The following INPP5D variants were observed in gnomAD, a reference collection of about 807,000 sequenced individuals.
INPP5D encodes the protein inositol polyphosphate-5-phosphatase D, also known as phosphatidylinositol 3,4,5-trisphosphate 5-phosphatase 1.
INPP5D carries 33 observed loss-of-function variants against 122.9 expected under a neutral mutation model. That is an observed-to-expected ratio of 0.27 (90% CI 0.20 to 0.36). INPP5D has a LOEUF of 0.36. INPP5D is among the 10% of genes least tolerant of loss of function. The probability of loss-of-function intolerance (pLI) is 1.00; values close to 1 mark genes in which losing one functional copy is unlikely to be tolerated. For missense variants in INPP5D, 1,053 were observed against 1,412.7 expected (o/e 0.75, Z 4.08); for synonymous variants, 584 against 576.2 (o/e 1.01, Z -0.19).
At chr2:233,095,325 A>T (rs993788013) in intron 2 of INPP5D, among the ~76,000 whole-genome samples, 5 of 152,218 alleles carry the variant, frequency 3.3e-5, no homozygotes, top group Admixed American at 2.6e-4. Context: ...GCTGTTCTTA[A>T]ACTTCTGGGC....
At chr2:233,061,894 A>G (rs1247534213) in intron 1 of INPP5D, among the ~76,000 whole-genome samples, 1 of 152,252 alleles carries the variant, frequency 6.6e-6, no homozygotes, top group African/African-American at 2.4e-5. Context: ...GGGGAGCCAC[A>G]GTGTTTACAG....
intron 2 of INPP5D, among the ~76,000 whole-genome samples, chr2:233,086,498 C>T (rs1691855027): frequency 1.3e-5 from 2 of 152,132 alleles, no homozygotes; most frequent in South Asian, 4.2e-4. Flanking sequence ...TCTTTCCTAC[C>T]TTTGGAAGCT....
Position 233,177,470 on chromosome 2 carries a change from A to T in INPP5D, c.2071+124A>T. 6.6e-7 allele frequency: 1 copy of T among 1,513,458 alleles called. No individual in the cohort carries two copies. Among genetic ancestry groups the T allele is most frequent in the African/African-American group, 1.4e-5 (1 of 72,756 alleles). The allele number at this position is 1,513,458 out of a possible 1,614,324, so 93.8% of individuals were successfully genotyped here. ...GTGTCAAAGGGAGGAATTCACTGTA[A>T]CCCTAATCAGGCGACCTGGAAATGT... On this transcript the variant is annotated intron_variant, in intron 18 of 26. Coordinates refer to ENST00000445964, the MANE Select transcript of INPP5D (RefSeq NM_001017915.3). The surrounding 1 kb of genome is among the most constrained non-coding windows in gnomAD (Gnocchi z 4.2).
At chr2:233,134,642 A>G (rs1693418299) in intron 5 of INPP5D, among the ~76,000 whole-genome samples, 1 of 152,196 alleles carries the variant, frequency 6.6e-6, no homozygotes, top group African/African-American at 2.4e-5. Flanking sequence ...CCAGACAGAA[A>G]CTTTTCCAGA....
chr2:233,125,181 A>C (rs546201493), intron 3 of INPP5D, among the ~76,000 whole-genome samples: 15 of 152,352 alleles, frequency 9.8e-5, no homozygotes, highest in African/African-American at 3.6e-4. Flanking sequence ...CTCTGAGTGA[A>C]GGGAACCCCC....
chr2:233,193,746 A>G (rs1045786138), intron 22 of INPP5D, 66 bp from the exon 23 acceptor site: 1 of 1,611,342 alleles, frequency 6.2e-7, no homozygotes, highest in Non-Finnish European at 8.5e-7. Flanking sequence ...TCTCCGGCCA[A>G]GAGTTTGGTG....
intron 2 of INPP5D, among the ~76,000 whole-genome samples, chr2:233,088,723 A>G (rs913712334): frequency 2.6e-5 from 4 of 152,318 alleles, no homozygotes; most frequent in South Asian, 2.1e-4. Context: ...TGACACCAAC[A>G]TGGGGTCACC....
Position 233,177,296 on chromosome 2 carries a change from G to A in INPP5D, c.2021G>A (p.Arg674Gln). 2 of 1,613,834 alleles carry A rather than the reference G, an allele frequency of 1.2e-6. No individual in the cohort carries two copies. The highest frequency in any genetic ancestry group is 1.7e-6 in the Non-Finnish European group (2 of 1,179,822). The change falls in exon 18 of 27, where the codon CGA (arginine) becomes CAA (glutamine). Residue 674 changes from arginine (R) to glutamine (Q), a missense_variant. Arg to Gln is a conservative substitution (Grantham distance 43). Coordinates refer to ENST00000445964, the MANE Select transcript of INPP5D (RefSeq NM_001017915.3). The surrounding 1 kb of genome is among the most constrained non-coding windows in gnomAD (Gnocchi z 4.2). Reference sequence around the variant, plus strand: ...TACAACTTGCCTTCCTGGTGTGACCGAGTCCTCTGGAAGTCTTATCCCCTG... The same window carrying A: ...TACAACTTGCCTTCCTGGTGTGACCAAGTCCTCTGGAAGTCTTATCCCCTG... ...MKYNLPSWCDRVLWKSYPLVH... is the reference protein window; with the variant it reads ...MKYNLPSWCDQVLWKSYPLVH...
intron 9 of INPP5D, 116 bp from the exon 10 acceptor site, chr2:233,158,197 C>T: frequency 1.7e-6 from 1 of 598,740 alleles, no homozygotes; most frequent in South Asian, 2.0e-5. Context: ...CAGACACAAA[C>T]TCGGGGCTCA....
Position 233,198,089 on chromosome 2 carries a change from C to T in INPP5D, c.2694-6C>T. ...CCTGAGATGTGACTCCATGTCCTCC[C>T]TGCAGGGCCCCTCCGTGCAGTGGCT... On this transcript the variant is annotated splice_polypyrimidine_tract_variant and splice_region_variant and intron_variant, in intron 24 of 26. Transcript: ENST00000445964. 6.3e-7 allele frequency: 1 copy of T among 1,585,122 alleles called. No homozygotes were observed. Among genetic ancestry groups the T allele is most frequent in the Non-Finnish European group, 8.6e-7 (1 of 1,164,082 alleles).
intron 25 of INPP5D, among the ~76,000 whole-genome samples, chr2:233,198,763 C>A (rs530076344): frequency 2.0e-5 from 3 of 151,054 alleles, no homozygotes; most frequent in Non-Finnish European, 4.4e-5. Context: ...CCAGCCTGAC[C>A]AACATGGAAA....
chr2:233,072,359 T>C (rs1236199337), intron 1 of INPP5D, among the ~76,000 whole-genome samples: 1 of 152,252 alleles, frequency 6.6e-6, no homozygotes, highest in African/African-American at 2.4e-5. Context: ...TGTGAAACCA[T>C]TTTGCATGAT....
chr2:233,082,046 T>C lies in INPP5D; in HGVS notation c.198+2648T>C, dbSNP rs1281636389. Among the ~76,000 whole-genome samples the C allele has an allele frequency of 3.3e-5, 5 of 152,176 alleles. No individual in the cohort carries two copies. The highest frequency in any genetic ancestry group is 1.2e-4 in the African/African-American group (5 of 41,442). Reference sequence around the variant, plus strand: ...TTAGCCAGGACAGTGGGCGGGCAGCTTTCAGAGAAGATGGGCGGCTCTGCT... The same window carrying C: ...TTAGCCAGGACAGTGGGCGGGCAGCCTTCAGAGAAGATGGGCGGCTCTGCT... On this transcript the variant is annotated intron_variant, in intron 2 of 26. Transcript: ENST00000445964. The surrounding 1 kb of genome is among the most constrained non-coding windows in gnomAD (Gnocchi z 4.7).
intron 22 of INPP5D, among the ~76,000 whole-genome samples, chr2:233,193,430 C>T (rs933706495): frequency 3.3e-5 from 5 of 152,148 alleles, no homozygotes; most frequent in Admixed American, 6.5e-5. Context: ...GTTCCCAATC[C>T]GTTTCCTTTT....
At chr2:233,077,763 G>T (rs1368741951) in intron 1 of INPP5D, among the ~76,000 whole-genome samples, 1 of 151,688 alleles carries the variant, frequency 6.6e-6, no homozygotes, top group Non-Finnish European at 1.5e-5. Flanking sequence ...GAGAGGCTGA[G>T]GCAGGAGAAT....
In INPP5D at chr2:233,154,638, G is replaced by C. The variant is rs575860397; in HGVS notation, c.1031-3675G>C. Among the ~76,000 whole-genome samples, 456 of 152,312 alleles carry C rather than the reference G, an allele frequency of 3.0e-3. 1 individual carries two copies. The highest frequency in any genetic ancestry group is 0.01 in the African/African-American group (436 of 41,568). ...TGTGTGTATTCATTGAAAGATATAA[G>C]TGATTAACTTCTTTTAATTTATAAC... On this transcript the variant is annotated intron_variant, in intron 9 of 26. Transcript: ENST00000445964.
chr2:233,148,478 C>A (rs1693831109), intron 9 of INPP5D, among the ~76,000 whole-genome samples: 1 of 152,196 alleles, frequency 6.6e-6, no homozygotes, highest in Non-Finnish European at 1.5e-5. Flanking sequence ...GAGGGAAGAG[C>A]ATCCCAGCTA....
Position 233,198,167 on chromosome 2 carries a change from G to A in INPP5D, c.2766G>A (p.Gly922=), listed in dbSNP as rs1285247798. ...ACTACATGGGAGTGGGGCCCTTTGG[G>A]CCACCAATGCCCCTGCACGTGAAGC... ...NPNYMGVGPF[G]PPMPLHVKQT... is the part of the protein sequence containing the mutation. Residue 922 remains glycine, a synonymous_variant, in exon 25 of 27, where the codon GGG becomes GGA. Coordinates refer to ENST00000445964, the MANE Select transcript of INPP5D (RefSeq NM_001017915.3). 6.2e-7 allele frequency: 1 copy of A among 1,613,424 alleles called. No homozygotes were observed. Among genetic ancestry groups the A allele is most frequent in the Non-Finnish European group, 8.5e-7 (1 of 1,179,858 alleles).
chr2:233,182,383 C>A, intron 18 of INPP5D, 27 bp from the exon 19 acceptor site: 1 of 1,612,734 alleles, frequency 6.2e-7, no homozygotes. Context: ...TCCTTCCCTG[C>A]TTAAAAATGC....
Sources: allele counts gnomAD v4.1 joint callset (sites outside exome capture counted in the v4.1 genomes callset), GRCh38; gene constraint gnomAD v4.1.1; non-coding constraint Gnocchi (gnomAD v3.1); transcripts MANE v1.5; gene names NCBI Gene and HGNC (gene_info 2026-07-23, HGNC 2026-07-21).